Variants in CD36 observed in about 807,000 individuals in gnomAD.
CD36 encodes the protein platelet glycoprotein 4.
Under a neutral mutation model 55.2 loss-of-function variants are expected in CD36, and 119 were observed. The observed-to-expected ratio is 2.15, with a 90% CI of 1.86 to 2.51. CD36 has a LOEUF of 2.51. CD36 is among the 30% of genes most tolerant of loss of function. CD36 has a pLI of 0.00. For synonymous variants in CD36, 186 were observed against 193.6 expected (o/e 0.96, Z 0.33); for missense variants, 819 against 555.5 (o/e 1.47, Z -4.77).
At chr7:80,612,437 A>G (rs1323533085) in intron 1 of CD36, among the ~76,000 whole-genome samples, 2 of 152,210 alleles carry the variant, frequency 1.3e-5, no homozygotes, top group African/African-American at 2.4e-5. Context: ...AATACAATGA[A>G]ATGAAATTTT....
chr7:80,652,369 T>G (rs1411707816), intron 3 of CD36, among the ~76,000 whole-genome samples: 1 of 152,200 alleles, frequency 6.6e-6, no homozygotes, highest in African/African-American at 2.4e-5. Flanking sequence ...CAGAAACATA[T>G]TAAAGCTTAC....
chr7:80,604,350 ATTTTTTTTTTTTTTTTTTTTTTT>A (rs67213422), intron 1 of CD36, among the ~76,000 whole-genome samples: 30 of 54,296 alleles, frequency 5.5e-4, no homozygotes, highest in East Asian at 2.7e-3. Flanking sequence ...AGCCACTGGA[ATTTTTTTTTTTTTTTTTTTTTTT>A]TTTTTTTTTT....
In CD36 at chr7:80,656,669, C is replaced by T; in HGVS notation, c.250C>T (p.Gln84Ter). The stretch of plus-strand genomic sequence containing the variant: ...AGTGATGATGAACAGCAGCAACATT[C>T]AAGTTAAGCAAAGAGGTCCTTATAC... ...QEVMMNSSNIQVKQRGPYTYR... is the reference protein window; with the variant it reads ...QEVMMNSSNI The change falls in exon 4 of 15, where the codon CAA becomes TAA. Residue 84 changes from glutamine (Q) to a stop codon, truncating the protein, a stop_gained. Transcript: ENST00000447544. LOFTEE classifies it high-confidence loss of function. 1 of 1,613,652 alleles carries T rather than the reference C, an allele frequency of 6.2e-7. No individual in the cohort carries two copies. Among genetic ancestry groups the T allele is most frequent in the South Asian group, 1.1e-5 (1 of 91,050 alleles).
rs760770333 is a variant in CD36, at chr7:80,674,103, T to G, written c.1375T>G (p.Phe459Val). 1.2e-6 allele frequency: 2 copies of G among 1,612,380 alleles called. No homozygotes were observed. Among genetic ancestry groups the G allele is most frequent in the Admixed American group, 1.7e-5 (1 of 59,862 alleles). ...LSVGVVMFVA[F>V]MISYCACRSK... ...TGTTGGTGTGGTGATGTTTGTTGCT[T>G]TTATGATTTCATATTGTGCATGCAG... Residue 459 changes from phenylalanine (F) to valine (V), a missense_variant, in exon 14 of 15, where the codon TTT becomes GTT. Physicochemically the swap from Phe to Val is conservative, Grantham distance 50. Transcript: ENST00000447544.
At chr7:80,654,970 C>G (rs756242512) in intron 3 of CD36, among the ~76,000 whole-genome samples, 1 of 151,880 alleles carries the variant, frequency 6.6e-6, no homozygotes, top group Non-Finnish European at 1.5e-5. Flanking sequence ...GAATTCACTA[C>G]TGTTTGCCTA....
At chr7:80,612,458 A>C (rs912208488) in intron 1 of CD36, among the ~76,000 whole-genome samples, 1 of 152,246 alleles carries the variant, frequency 6.6e-6, no homozygotes, top group Non-Finnish European at 1.5e-5. Context: ...AATAACTCAA[A>C]GCTTCTTATG....
intron 4 of CD36, among the ~76,000 whole-genome samples, chr7:80,657,281 A>C (rs1003765303): frequency 1.5e-4 from 22 of 151,670 alleles, no homozygotes; most frequent in African/African-American, 5.1e-4. Flanking sequence ...TTGAATACAC[A>C]ATTTTGAGAA....
In CD36 at chr7:80,671,943, TTCC is replaced by T. The variant is rs767268373; in HGVS notation, c.1031_1033del (p.Pro344del). Reference sequence around the variant, plus strand: ...TCAGGGAGACCTGTGTACATTTCACTTCCTCATTTTCTGTATGCAAGTCCTGAT... The same window carrying T: ...TCAGGGAGACCTGTGTACATTTCACTTCATTTTCTGTATGCAAGTCCTGAT... On this transcript the variant is annotated inframe_deletion, in exon 11 of 15. Coordinates refer to ENST00000447544, the MANE Select transcript of CD36 (RefSeq NM_001001548.3). 1.4e-5 allele frequency: 22 copies of T among 1,611,538 alleles called. 1 individual carries two copies. In the Middle Eastern group the frequency reaches 1.3e-3, roughly 98 times the overall value.
At chr7:80,636,107 C>A (rs1562783766), upstream of CD36, among the ~76,000 whole-genome samples, 2 of 152,064 alleles carry the variant, frequency 1.3e-5, no homozygotes, top group East Asian at 3.9e-4. Flanking sequence ...AGGGCAAAAA[C>A]AAAAGTCAAT....
intron 1 of CD36, among the ~76,000 whole-genome samples, chr7:80,615,099 G>A (rs1305727852): frequency 6.6e-6 from 1 of 152,054 alleles, no homozygotes; most frequent in Non-Finnish European, 1.5e-5. Context: ...GCACATTCCC[G>A]TTAATCCAAA....
intron 3 of CD36, among the ~76,000 whole-genome samples, chr7:80,651,701 A>G (rs1795634930): frequency 6.6e-6 from 1 of 152,078 alleles, no homozygotes; most frequent in Non-Finnish European, 1.5e-5. Context: ...TGAGCTCAGG[A>G]GTTTGAGACC....
intron 1 of CD36, among the ~76,000 whole-genome samples, chr7:80,614,384 T>C (rs1793033043): frequency 6.6e-6 from 1 of 152,186 alleles, no homozygotes; most frequent in African/African-American, 2.4e-5. Flanking sequence ...AATGTATTTA[T>C]ATTTTATACA....
At chr7:80,660,025 A>G (rs1439536766) in intron 4 of CD36, among the ~76,000 whole-genome samples, 2 of 152,146 alleles carry the variant, frequency 1.3e-5, no homozygotes, top group Non-Finnish European at 2.9e-5. Context: ...CCTACCCTGT[A>G]GGAATTTACA....
intron 4 of CD36, among the ~76,000 whole-genome samples, chr7:80,658,035 A>G (rs1017680280): frequency 6.6e-6 from 1 of 152,228 alleles, no homozygotes; most frequent in Non-Finnish European, 1.5e-5. Context: ...ACCATAGCAC[A>G]TGACATATAA....
intron 3 of CD36, among the ~76,000 whole-genome samples, chr7:80,656,271 G>A (rs1448771139): frequency 6.6e-6 from 1 of 152,046 alleles, no homozygotes; most frequent in African/African-American, 2.4e-5. Context: ...CTTGCCGAAG[G>A]GTCACTTTAA....
At chr7:80,639,494 G>T (rs893425145) in intron 1 of CD36, among the ~76,000 whole-genome samples, 1 of 151,810 alleles carries the variant, frequency 6.6e-6, no homozygotes, top group Admixed American at 6.6e-5. Flanking sequence ...TGAAGTAAAG[G>T]AGAAATCAAT....
At chr7:80,609,421 C>T (rs2115747608) in intron 1 of CD36, among the ~76,000 whole-genome samples, 1 of 152,294 alleles carries the variant, frequency 6.6e-6, no homozygotes, top group East Asian at 1.9e-4. Flanking sequence ...CCACCACTGT[C>T]CTTTAACACC....
At chr7:80,670,910 G>A (rs756658388) in intron 9 of CD36, 67 bp from the exon 10 acceptor site, 1 of 1,096,260 alleles carries the variant, frequency 9.1e-7, no homozygotes, top group Non-Finnish European at 1.4e-6. Context: ...ACAAGAATAA[G>A]AAAAAATGAA....
intron 1 of CD36, among the ~76,000 whole-genome samples, chr7:80,619,956 A>G (rs1341218646): frequency 6.6e-6 from 1 of 152,206 alleles, no homozygotes; most frequent in East Asian, 1.9e-4. Flanking sequence ...CATTGGTGCA[A>G]TCTCATGATG....
Sources: allele counts gnomAD v4.1 joint callset (sites outside exome capture counted in the v4.1 genomes callset), GRCh38; gene constraint gnomAD v4.1.1; transcripts MANE v1.5; gene names NCBI Gene and HGNC (gene_info 2026-07-23, HGNC 2026-07-21).